KIF9: variants seen among roughly 807,000 people sequenced by gnomAD.
The protein encoded by KIF9 is kinesin family member 9.
In KIF9, 68 loss-of-function variants were observed where a neutral mutation model predicts 94.8. The ratio of observed to expected loss-of-function variants is 0.72; its 90% CI spans 0.59 to 0.88. The LOEUF (loss-of-function observed/expected upper bound fraction) is 0.88, where lower values mean the gene tolerates loss of function less well. KIF9 is among the 40% of genes least tolerant of loss of function. The probability of loss-of-function intolerance (pLI) is 0.00; values close to 1 mark genes in which losing one functional copy is unlikely to be tolerated. For synonymous variants in KIF9, 343 were observed against 362.1 expected (o/e 0.95, Z 0.60); for missense variants, 882 against 982.5 (o/e 0.90, Z 1.37).
intron 1 of KIF9, among the ~76,000 whole-genome samples, chr3:47,281,681 T>C (rs554554819): frequency 2.3e-4 from 35 of 152,256 alleles, no homozygotes; most frequent in African/African-American, 8.2e-4. Flanking sequence ...TTGTGGGGAA[T>C]GTCTCTCCTT....
intron 1 of KIF9, among the ~76,000 whole-genome samples, chr3:47,280,337 C>T (rs1702249222): frequency 6.6e-6 from 1 of 152,172 alleles, no homozygotes; most frequent in African/African-American, 2.4e-5. Flanking sequence ...CATGAAGAAG[C>T]AGGGGAGCTC....
At chr3:47,232,309 G>A (rs1174376160) in intron 20 of KIF9, among the ~76,000 whole-genome samples, 1 of 151,794 alleles carries the variant, frequency 6.6e-6, no homozygotes, top group African/African-American at 2.4e-5. Flanking sequence ...TTTTTTTACG[G>A]AGTCTCACTC....
At chr3:47,253,019 TA>T (rs942604201) in intron 10 of KIF9, among the ~76,000 whole-genome samples, 57 of 142,942 alleles carry the variant, frequency 4.0e-4, no homozygotes, top group Non-Finnish European at 4.2e-4. Flanking sequence ...AGACTCCATC[TA>T]AAAAAAAAAA....
intron 5 of KIF9, among the ~76,000 whole-genome samples, chr3:47,270,841 C>T (rs1701598630): frequency 6.6e-6 from 1 of 150,658 alleles, no homozygotes; most frequent in Non-Finnish European, 1.5e-5. Flanking sequence ...TTCTGATAAT[C>T]AAAGTAAGTA....
At chr3:47,265,368 C>T (rs1452517561) in intron 8 of KIF9, among the ~76,000 whole-genome samples, 1 of 152,132 alleles carries the variant, frequency 6.6e-6, no homozygotes, top group Non-Finnish European at 1.5e-5. Context: ...AAAGCCCCCG[C>T]TGCTCTGTAC....
chr3:47,277,948 C>T (rs1319526848), intron 1 of KIF9, among the ~76,000 whole-genome samples: 1 of 152,162 alleles, frequency 6.6e-6, no homozygotes, highest in Non-Finnish European at 1.5e-5. Flanking sequence ...CCCCTACCTC[C>T]TCTTGCTCTC....
chr3:47,266,943 AT>A (rs777479628), intron 7 of KIF9, 32 bp downstream of exon 7: 1 of 1,502,554 alleles, frequency 6.7e-7, no homozygotes, highest in South Asian at 1.1e-5. Context: ...CTTGTGGTTT[AT>A]TGAGTAGCAA....
Position 47,228,491 on chromosome 3 carries a change from T to C in KIF9, c.*161A>G. 1 of 693,952 alleles carries C rather than the reference T, an allele frequency of 1.4e-6. No homozygotes were observed. Among genetic ancestry groups the C allele is most frequent in the Non-Finnish European group, 2.6e-6 (1 of 382,260 alleles). The allele number at this position is 693,952 out of a possible 1,614,324, so 43.0% of individuals were successfully genotyped here. A position where few individuals can be genotyped will look rare whatever the true frequency, so the allele number is the denominator to read the frequency against. ...TCTGTGGAGATGAGCAAGGTTGTCC[T>C]TGGAGGATGCTCCTCCCAACATGCA... On this transcript the variant is annotated 3_prime_UTR_variant, in exon 21 of 21. Coordinates refer to ENST00000684063, the MANE Select transcript of KIF9 (RefSeq NM_182902.4).
At chr3:47,253,758 T>G (rs1700410473) in intron 10 of KIF9, among the ~76,000 whole-genome samples, 1 of 152,230 alleles carries the variant, frequency 6.6e-6, no homozygotes, top group South Asian at 2.1e-4. Flanking sequence ...TCTGGCTCCC[T>G]CATCCCACAA....
chr3:47,236,201 C>T, intron 18 of KIF9, 52 bp from the exon 19 acceptor site: 1 of 1,326,130 alleles, frequency 7.5e-7, no homozygotes, highest in Non-Finnish European at 1.1e-6. Context: ...GGGCTGTGTG[C>T]TGTCATCTGT....
chr3:47,239,910 T>C (rs997050183), intron 17 of KIF9: 1 of 1,367,920 alleles, frequency 7.3e-7, no homozygotes, highest in Non-Finnish European at 9.8e-7. Context: ...CTGTGGTGTT[T>C]CCTGTCTGGA....
intron 20 of KIF9, among the ~76,000 whole-genome samples, chr3:47,231,404 CT>C (rs34079988): frequency 6.8e-4 from 54 of 79,786 alleles, no homozygotes; most frequent in African/African-American, 2.6e-3. Flanking sequence ...TCAGTATCTA[CT>C]TTTTTTTTTT....
intron 20 of KIF9, among the ~76,000 whole-genome samples, chr3:47,231,226 G>GA (rs1330565878): frequency 1.3e-5 from 2 of 151,664 alleles, no homozygotes; most frequent in African/African-American, 2.4e-5. Flanking sequence ...TCATGATTGA[G>GA]AAAAAAAATA....
intron 20 of KIF9, among the ~76,000 whole-genome samples, chr3:47,230,367 T>C (rs1183073552): frequency 6.6e-6 from 1 of 151,460 alleles, no homozygotes; most frequent in Non-Finnish European, 1.5e-5. Context: ...CCCTTGAGTC[T>C]AGGAACTGAA....
chr3:47,253,526 A>G (rs1320780749), intron 10 of KIF9, among the ~76,000 whole-genome samples: 1 of 151,624 alleles, frequency 6.6e-6, no homozygotes, highest in East Asian at 1.9e-4. Flanking sequence ...CATGCTACAA[A>G]TCCACTCCCC....
chr3:47,231,404 CTTTTTTT>C (rs34079988), intron 20 of KIF9, among the ~76,000 whole-genome samples: 8 of 79,788 alleles, frequency 1.0e-4, no homozygotes, highest in African/African-American at 2.8e-4. Flanking sequence ...TCAGTATCTA[CTTTTTTT>C]TTTTTTTTTT....
chr3:47,258,304 G>A (rs2107360322), intron 9 of KIF9, among the ~76,000 whole-genome samples: 1 of 152,206 alleles, frequency 6.6e-6, no homozygotes, highest in African/African-American at 2.4e-5. Context: ...GGAGTGCAGT[G>A]GCACAGTCAT....
chr3:47,281,325 CTTT>C (rs895832184), intron 1 of KIF9: 20 of 349,672 alleles, frequency 5.7e-5, no homozygotes, highest in African/African-American at 3.8e-4. Flanking sequence ...TCACCACACG[CTTT>C]TTTTGTTTTT....
At chr3:47,240,644 C>A (rs544269513) in intron 17 of KIF9, among the ~76,000 whole-genome samples, 157 bp downstream of exon 17, 1 of 152,114 alleles carries the variant, frequency 6.6e-6, no homozygotes, top group Non-Finnish European at 1.5e-5. Context: ...CAGGGGCTGA[C>A]CAGAGCTAAG....
Sources: gnomAD v4.1 joint callset for allele counts (sites outside exome capture counted in the v4.1 genomes callset) on GRCh38, gnomAD v4.1.1 for gene constraint, MANE v1.5 for transcripts, NCBI Gene and HGNC (gene_info 2026-07-23, HGNC 2026-07-21) for gene names.